PHC3: variants seen among roughly 807,000 people sequenced by gnomAD.
PHC3 encodes polyhomeotic-like protein 3.
Under a neutral mutation model 107.4 loss-of-function variants are expected in PHC3, and 13 were observed. The observed-to-expected ratio is 0.12, with a 90% CI of 0.08 to 0.19. The LOEUF is 0.19. Among genes scored for constraint, PHC3 ranks in the 10% least tolerant of loss-of-function variants. The pLI is 1.00. For synonymous variants in PHC3, 456 were observed against 427.4 expected, an observed-to-expected ratio of 1.07 and a Z score of -0.83; for missense variants, 992 against 1,210.9, an observed-to-expected ratio of 0.82 and a Z score of 2.68.
Position 170,172,124 on chromosome 3 carries a change from A to C in PHC3, c.336+433T>G, listed in dbSNP as rs577830796. On this transcript the variant is annotated intron_variant, in intron 3 of 14. Coordinates refer to ENST00000495893, the MANE Select transcript of PHC3 (RefSeq NM_024947.4). Reference sequence around the variant, plus strand: ...TTGTTACTGTGGCCACCTTTGAAGAACGGGAAACAGTGATAGACAGGGAAA... The same window carrying C: ...TTGTTACTGTGGCCACCTTTGAAGACCGGGAAACAGTGATAGACAGGGAAA... Among the ~76,000 whole-genome samples the C allele has an allele frequency of 2.0e-5, 3 of 152,284 alleles. No homozygotes were observed. The South Asian group carries it at 6.2e-4, about 32-fold the overall frequency.
At chr3:170,138,366 T>C (rs1723474089) in intron 6 of PHC3, among the ~76,000 whole-genome samples, 1 of 152,100 alleles carries the variant, frequency 6.6e-6, no homozygotes, top group Non-Finnish European at 1.5e-5. Flanking sequence ...AATGGACTAA[T>C]AACCACTGCA....
At chr3:170,180,399 T>C (rs1030767785) in intron 1 of PHC3, among the ~76,000 whole-genome samples, 1 of 151,996 alleles carries the variant, frequency 6.6e-6, no homozygotes, top group South Asian at 2.1e-4. Context: ...CAGTGAGCTA[T>C]GATCGTGCCA....
chr3:170,140,925 C>T (rs143856711), intron 6 of PHC3, among the ~76,000 whole-genome samples: 57 of 152,160 alleles, frequency 3.7e-4, no homozygotes, highest in African/African-American at 1.3e-3. Flanking sequence ...TGCCCTATAA[C>T]ATCTTTCCAA....
chr3:170,100,825 G>A (rs1429594778), intron 14 of PHC3, among the ~76,000 whole-genome samples: 1 of 152,130 alleles, frequency 6.6e-6, no homozygotes, highest in Non-Finnish European at 1.5e-5. Context: ...ATCCATATTT[G>A]TTAATTATTT....
chr3:170,178,193 G>A (rs548130340), intron 2 of PHC3, among the ~76,000 whole-genome samples: 12 of 151,056 alleles, frequency 7.9e-5, no homozygotes, highest in African/African-American at 2.9e-4. Flanking sequence ...GCTCAGGCGG[G>A]AGTGCTGTGG....
intron 10 of PHC3, among the ~76,000 whole-genome samples, chr3:170,115,442 T>C (rs1308894774): frequency 6.6e-6 from 1 of 152,150 alleles, no homozygotes; most frequent in Non-Finnish European, 1.5e-5. Context: ...ACAATACATA[T>C]GTACATATAT....
At chr3:170,098,279 A>G (rs1266254385) in intron 14 of PHC3, among the ~76,000 whole-genome samples, 2 of 152,210 alleles carry the variant, frequency 1.3e-5, no homozygotes, top group Admixed American at 6.6e-5. Flanking sequence ...ATGAGAGAAT[A>G]TAAAAATATG....
intron 14 of PHC3, among the ~76,000 whole-genome samples, chr3:170,101,514 G>A (rs915481604): frequency 1.3e-5 from 2 of 152,110 alleles, no homozygotes; most frequent in African/African-American, 4.8e-5. Flanking sequence ...CAAATAGGAT[G>A]TATTCTTCTA....
chr3:170,128,464 T>G (rs1721707408), intron 8 of PHC3: 2 of 1,198,482 alleles, frequency 1.7e-6, no homozygotes, highest in Non-Finnish European at 2.2e-6. Context: ...CGAGGGACTT[T>G]AATTACCATC....
At position 170,126,065 on chromosome 3, in the gene PHC3, A is replaced by C. The variant is rs368435659; in HGVS notation, c.1788+2619T>G. The C allele has an allele frequency of 4.0e-5, 25 of 621,880 alleles. No homozygotes were observed. The East Asian group carries it at 1.5e-3, about 38-fold the overall frequency. The allele number at this position is 621,880 out of a possible 1,614,324, so 38.5% of individuals were successfully genotyped here. On this transcript the variant is annotated intron_variant, in intron 8 of 14. Transcript: ENST00000495893. ...TCTACCCTCAACATACTTATATCCA[A>C]ATGTCAACAAAAAACTTTAATTCTT...
chr3:170,150,862 CT>C lies in PHC3; in HGVS notation c.415-1619del, dbSNP rs749222264. On this transcript the variant is annotated intron_variant, in intron 4 of 14. Transcript: ENST00000495893. Reference sequence around the variant, plus strand: ...TAATAGGGAAAAGAAAAAGCATACTCTTTTTTTTATCTTTCTAATTTTAGAC... The same window carrying C: ...TAATAGGGAAAAGAAAAAGCATACTCTTTTTTTATCTTTCTAATTTTAGAC... 4.5e-4 allele frequency among the ~76,000 whole-genome samples: 68 copies of C among 151,922 alleles called. No homozygotes were observed. In the East Asian group the frequency reaches 8.7e-3, roughly 19 times the overall value.
chr3:170,148,403 A>G (rs1725361226), intron 5 of PHC3: 1 of 152,256 alleles, frequency 6.6e-6, no homozygotes, highest in African/African-American at 2.4e-5. Context: ...TAAAGACATC[A>G]AATAAAATAC....
At chr3:170,141,606 CT>C (rs1298333278) in intron 6 of PHC3, among the ~76,000 whole-genome samples, 2 of 151,964 alleles carry the variant, frequency 1.3e-5, no homozygotes, top group East Asian at 3.9e-4. Context: ...ACTATAAATT[CT>C]TTTTTTGTTT....
At chr3:170,109,243 T>C (rs899397874) in intron 11 of PHC3, among the ~76,000 whole-genome samples, 20 of 152,190 alleles carry the variant, frequency 1.3e-4, no homozygotes, top group African/African-American at 4.8e-4. Flanking sequence ...AACAAAACCC[T>C]ACGAACATGG....
intron 14 of PHC3, among the ~76,000 whole-genome samples, chr3:170,101,611 T>C (rs1291665668): frequency 6.6e-6 from 1 of 152,192 alleles, no homozygotes; most frequent in Admixed American, 6.6e-5. Flanking sequence ...ATTTTCCATA[T>C]GCGTAAGGTC....
At chr3:170,121,933 T>G (rs1720428795) in intron 9 of PHC3, among the ~76,000 whole-genome samples, 1 of 152,206 alleles carries the variant, frequency 6.6e-6, no homozygotes, top group South Asian at 2.1e-4. Context: ...GAACAATTTA[T>G]AAGCTATTGA....
chr3:170,158,972 C>T (rs1727373864), intron 4 of PHC3, among the ~76,000 whole-genome samples: 1 of 150,336 alleles, frequency 6.7e-6, no homozygotes, highest in South Asian at 2.1e-4. Context: ...AAAATCTGGG[C>T]CGGGCGTGGT....
chr3:170,124,138 G>A (rs73030653), intron 8 of PHC3, among the ~76,000 whole-genome samples: 20,776 of 152,028 alleles, frequency 0.14, 1,454 homozygotes, highest in African/African-American at 0.17. Flanking sequence ...GTGAGCCACC[G>A]CACCCGGCCA....
chr3:170,169,735 C>G (rs967099283), intron 4 of PHC3: 1 of 152,108 alleles, frequency 6.6e-6, no homozygotes, highest in African/African-American at 2.4e-5. Flanking sequence ...TAAAAAGATA[C>G]CTTTTAATAA....
Sources: allele counts gnomAD v4.1 joint callset (sites outside exome capture counted in the v4.1 genomes callset), GRCh38; gene constraint gnomAD v4.1.1; transcripts MANE v1.5; gene names NCBI Gene and HGNC (gene_info 2026-07-23, HGNC 2026-07-21).